TMPRSS15: variants seen among roughly 807,000 people sequenced by gnomAD.
TMPRSS15 encodes enteropeptidase.
TMPRSS15 carries 128 observed loss-of-function variants against 125.3 expected under a neutral mutation model. The ratio of observed to expected loss-of-function variants is 1.02; its 90% confidence interval spans 0.89 to 1.18. TMPRSS15 has a LOEUF of 1.18. Ranked by LOEUF, TMPRSS15 falls within the 50% of genes most tolerant of loss-of-function variation. TMPRSS15 has a pLI of 0.00. For missense variants in TMPRSS15, 1,283 were observed against 1,212.7 expected (o/e 1.06, Z -0.86); for synonymous variants, 446 against 423.2 (o/e 1.05, Z -0.66).
intron 1 of TMPRSS15, among the ~76,000 whole-genome samples, chr21:18,418,541 G>C (rs986141654): frequency 3.3e-5 from 5 of 152,088 alleles, no homozygotes; most frequent in Non-Finnish European, 7.4e-5. Flanking sequence ...TGATCTATAC[G>C]TGGCCTCTTG....
chr21:18,369,343 G>A (rs2075769747), intron 6 of TMPRSS15, among the ~76,000 whole-genome samples: 1 of 152,128 alleles, frequency 6.6e-6, no homozygotes, highest in Non-Finnish European at 1.5e-5. Flanking sequence ...TACACGTGAG[G>A]CATACAAACT....
chr21:18,462,786 A>C (rs1178766217), intron 1 of TMPRSS15, among the ~76,000 whole-genome samples: 1 of 152,082 alleles, frequency 6.6e-6, no homozygotes, highest in Admixed American at 6.6e-5. Context: ...AAGGAAAAAA[A>C]AATTTTAAGG....
chr21:18,279,265 T>C (rs903018950), intron 22 of TMPRSS15, among the ~76,000 whole-genome samples: 6 of 145,810 alleles, frequency 4.1e-5, no homozygotes, highest in African/African-American at 1.5e-4. Flanking sequence ...ATAGATCGGC[T>C]ACCACTGGTG....
chr21:18,323,999 C>A (rs901358820), intron 16 of TMPRSS15, among the ~76,000 whole-genome samples: 63 of 152,156 alleles, frequency 4.1e-4, no homozygotes, highest in African/African-American at 1.4e-3. Flanking sequence ...AATAATTTTA[C>A]TTTTTCTGCT....
intron 3 of TMPRSS15, among the ~76,000 whole-genome samples, chr21:18,394,778 G>C (rs2076019824): frequency 6.6e-6 from 1 of 151,844 alleles, no homozygotes. Flanking sequence ...GCCCCTTATA[G>C]ACTTCTGGAT....
chr21:18,416,769 T>C (rs1204635745), intron 1 of TMPRSS15, among the ~76,000 whole-genome samples: 1 of 152,104 alleles, frequency 6.6e-6, no homozygotes, highest in Non-Finnish European at 1.5e-5. Context: ...CTATTGGACA[T>C]GATAAACTCA....
rs141604471 is a variant in TMPRSS15, at chr21:18,338,971, C to T, written c.1564+2442G>A. Among the ~76,000 whole-genome samples the T allele has an allele frequency of 1.7e-4, 26 of 152,194 alleles. 1 individual carries two copies. The East Asian group carries it at 2.7e-3, about 16-fold the overall frequency. Reference sequence around the variant, plus strand: ...AGTATCATTCCGTCTTTTATCTGCACGCTTCCTTAAAGCCTTCTTCTGCTC... The same window carrying T: ...AGTATCATTCCGTCTTTTATCTGCATGCTTCCTTAAAGCCTTCTTCTGCTC... On this transcript the variant is annotated intron_variant, in intron 13 of 24. Coordinates refer to ENST00000284885, the MANE Select transcript of TMPRSS15 (RefSeq NM_002772.3).
At chr21:18,318,997 C>T (rs915870428) in intron 16 of TMPRSS15, among the ~76,000 whole-genome samples, 23 of 151,496 alleles carry the variant, frequency 1.5e-4, no homozygotes, top group African/African-American at 5.3e-4. Flanking sequence ...ATAGAGTCAA[C>T]GTAATATAAA....
At chr21:18,435,878 G>A (rs187932868) in intron 1 of TMPRSS15, among the ~76,000 whole-genome samples, 14,174 of 151,854 alleles carry the variant, frequency 0.093, 733 homozygotes, top group South Asian at 0.12. Context: ...ATGTGTCGAG[G>A]AATTTATCCA....
chr21:18,419,415 T>C (rs1017078179), intron 1 of TMPRSS15, among the ~76,000 whole-genome samples: 16 of 151,888 alleles, frequency 1.1e-4, no homozygotes, highest in African/African-American at 2.7e-4. Flanking sequence ...TTAGTAGAGA[T>C]GGGGTTTCAC....
intron 1 of TMPRSS15, among the ~76,000 whole-genome samples, chr21:18,429,463 C>T (rs182431642): frequency 1.3e-5 from 2 of 152,196 alleles, no homozygotes; most frequent in South Asian, 4.1e-4. Context: ...CCATAATTCC[C>T]ATGTGCTGTG....
intron 9 of TMPRSS15, 47 bp from the exon 10 acceptor site, chr21:18,353,099 G>A (rs199959623): frequency 2.0e-6 from 3 of 1,519,840 alleles, no homozygotes; most frequent in African/African-American, 2.8e-5. Flanking sequence ...AGTCCATAAT[G>A]TGAGTAGTTA....
At chr21:18,379,008 T>A (rs1197873048) in intron 5 of TMPRSS15, among the ~76,000 whole-genome samples, 1 of 152,146 alleles carries the variant, frequency 6.6e-6, no homozygotes, top group African/African-American at 2.4e-5. Context: ...TTGATACTAC[T>A]GGTGATATTC....
intron 10 of TMPRSS15, among the ~76,000 whole-genome samples, chr21:18,349,198 T>C (rs1372698448): frequency 6.6e-6 from 1 of 152,198 alleles, no homozygotes; most frequent in African/African-American, 2.4e-5. Flanking sequence ...TTTCTGAAGT[T>C]TCCACATATT....
chr21:18,306,025 G>A (rs1159351657), intron 18 of TMPRSS15, among the ~76,000 whole-genome samples: 2 of 152,060 alleles, frequency 1.3e-5, no homozygotes, highest in African/African-American at 2.4e-5. Context: ...TACCTTCTGT[G>A]CTGAAGTTGC....
intron 1 of TMPRSS15, among the ~76,000 whole-genome samples, chr21:18,478,778 A>G (rs868053755): frequency 6.6e-6 from 1 of 152,026 alleles, no homozygotes; most frequent in Non-Finnish European, 1.5e-5. Flanking sequence ...CAATCTTCTC[A>G]CATTTTATGA....
chr21:18,456,306 G>C (rs1307538887), intron 1 of TMPRSS15, among the ~76,000 whole-genome samples: 1 of 152,066 alleles, frequency 6.6e-6, no homozygotes, highest in Admixed American at 6.6e-5. Flanking sequence ...TCTAATGTCA[G>C]CGTTTCACTG....
At chr21:18,313,406 C>G (rs1429178767) in intron 17 of TMPRSS15, among the ~76,000 whole-genome samples, 1 of 150,374 alleles carries the variant, frequency 6.7e-6, no homozygotes, top group African/African-American at 2.5e-5. Context: ...TATATACATT[C>G]TCTCTCCATA....
intron 1 of TMPRSS15, among the ~76,000 whole-genome samples, chr21:18,481,931 A>G (rs1206140951): frequency 1.3e-5 from 2 of 151,720 alleles, no homozygotes; most frequent in African/African-American, 4.8e-5. Flanking sequence ...AATTCTGAGG[A>G]AATATTTGTT....
Sources: allele counts gnomAD v4.1 joint callset (sites outside exome capture counted in the v4.1 genomes callset), GRCh38; gene constraint gnomAD v4.1.1; transcripts MANE v1.5; gene names NCBI Gene and HGNC (gene_info 2026-07-23, HGNC 2026-07-21).